The following LRRC63 variants were observed in gnomAD, a reference collection of about 807,000 sequenced individuals.
LRRC63 encodes the protein leucine-rich repeat-containing protein 63.
Under a neutral mutation model 49.5 loss-of-function variants are expected in LRRC63, and 40 were observed. The observed-to-expected ratio is 0.81, with a 90% CI of 0.63 to 1.05. The LOEUF (loss-of-function observed/expected upper bound fraction) is 1.05, where lower values mean the gene tolerates loss of function less well. LRRC63 is among the 50% of genes least tolerant of loss of function. The pLI is 0.00. For synonymous variants in LRRC63, 191 were observed against 221.1 expected (o/e 0.86, Z 1.21); for missense variants, 636 against 663.1 (o/e 0.96, Z 0.45).
intron 9 of LRRC63, among the ~76,000 whole-genome samples, chr13:46,271,626 C>CTG (rs2047759546): frequency 2.6e-5 from 4 of 151,406 alleles, no homozygotes; most frequent in African/African-American, 9.7e-5. Flanking sequence ...CTCAGTCTCA[C>CTG]ATACTCTAGT....
chr13:46,248,309 CCAAT>C (rs2047274541), intron 6 of LRRC63, among the ~76,000 whole-genome samples: 1 of 151,820 alleles, frequency 6.6e-6, no homozygotes, highest in South Asian at 2.1e-4. Flanking sequence ...ATCAAACAAT[CCAAT>C]CAAAAGATAC....
chr13:46,271,141 G>A (rs1007442401), intron 9 of LRRC63, among the ~76,000 whole-genome samples: 3 of 152,092 alleles, frequency 2.0e-5, no homozygotes, highest in Non-Finnish European at 4.4e-5. Context: ...CCAAAGAGCC[G>A]ACTGCAGGAC....
At chr13:46,260,978 G>C (rs2047605060) in intron 7 of LRRC63, among the ~76,000 whole-genome samples, 1 of 152,140 alleles carries the variant, frequency 6.6e-6, no homozygotes, top group Admixed American at 6.6e-5. Context: ...AAGTCTTTGA[G>C]AACAGCACAT....
intron 8 of LRRC63, among the ~76,000 whole-genome samples, chr13:46,262,476 CTCT>C (rs1380585614): frequency 6.6e-6 from 1 of 152,044 alleles, no homozygotes; most frequent in Non-Finnish European, 1.5e-5. Flanking sequence ...CAGTAATAGT[CTCT>C]TAACTATTCT....
chr13:46,252,499 A>C (rs1384812814), intron 7 of LRRC63, among the ~76,000 whole-genome samples: 1 of 152,094 alleles, frequency 6.6e-6, no homozygotes, highest in Non-Finnish European at 1.5e-5. Flanking sequence ...AGCATCTATT[A>C]ATACTGTGTG....
At chr13:46,229,197 G>C (rs1274540076) in intron 4 of LRRC63, among the ~76,000 whole-genome samples, 1 of 151,006 alleles carries the variant, frequency 6.6e-6, no homozygotes, top group Admixed American at 6.6e-5. Context: ...ATAAGCAGTA[G>C]AAACATATCC....
chr13:46,223,871 A>G (rs1230979010), intron 2 of LRRC63, among the ~76,000 whole-genome samples: 1 of 152,052 alleles, frequency 6.6e-6, no homozygotes, highest in Non-Finnish European at 1.5e-5. Flanking sequence ...CAAAAACAAA[A>G]CAACAACAAC....
rs551167370 is a variant in LRRC63 at position 46,245,989 on chromosome 13, T to C, written c.991-538T>C. 3.7e-4 allele frequency among the ~76,000 whole-genome samples: 56 copies of C among 152,282 alleles called. 2 individuals are homozygous for C. The South Asian group carries it at 9.7e-3, about 26-fold the overall frequency. ...AAATGGTAATCTCCAGTGTTGAAGGTGGGGCCTAGTGGGAGGTGATTGGAT... is the reference window on the plus strand; with the variant it reads ...AAATGGTAATCTCCAGTGTTGAAGGCGGGGCCTAGTGGGAGGTGATTGGAT... On this transcript the variant is annotated intron_variant, in intron 5 of 9. Coordinates refer to ENST00000595396, the Ensembl canonical transcript of LRRC63.
intron 7 of LRRC63, among the ~76,000 whole-genome samples, chr13:46,251,080 C>G (rs1271640909): frequency 6.6e-6 from 1 of 151,748 alleles, no homozygotes; most frequent in Non-Finnish European, 1.5e-5. Flanking sequence ...AACCAAATGT[C>G]AAAACAAGAT....
At chr13:46,213,839 G>T (rs1043740450) in intron 2 of LRRC63, among the ~76,000 whole-genome samples, 1 of 152,192 alleles carries the variant, frequency 6.6e-6, no homozygotes, top group Non-Finnish European at 1.5e-5. Context: ...AGGAGAAATG[G>T]TTCAGTAATG....
At chr13:46,261,500 C>G (rs189872203) in intron 7 of LRRC63, among the ~76,000 whole-genome samples, 2 of 152,314 alleles carry the variant, frequency 1.3e-5, no homozygotes, top group East Asian at 3.9e-4. Context: ...GACAGTTTCT[C>G]CCTCAGAGCC....
At chr13:46,235,150 C>T (rs2046868868) in intron 5 of LRRC63, among the ~76,000 whole-genome samples, 1 of 151,996 alleles carries the variant, frequency 6.6e-6, no homozygotes, top group Non-Finnish European at 1.5e-5. Context: ...GAAGTAAAGG[C>T]TAAGGTGGTT....
At chr13:46,252,927 A>G (rs1381751789) in intron 7 of LRRC63, among the ~76,000 whole-genome samples, 1 of 152,088 alleles carries the variant, frequency 6.6e-6, no homozygotes, top group Non-Finnish European at 1.5e-5. Flanking sequence ...TTTATGCTGT[A>G]TGCAACAAGA....
Position 46,258,736 on chromosome 13 carries a change from G to A in LRRC63, c.1227-3173G>A, listed in dbSNP as rs902635661. Among the ~76,000 whole-genome samples the A allele has an allele frequency of 2.7e-5, 4 of 147,290 alleles. No individual in the cohort carries two copies. In the Admixed American group the frequency reaches 2.7e-4, roughly 10 times the overall value. Reference sequence around the variant, plus strand: ...GGCAGGAGAATCGCTTGAACCAGGGGAGTTGCAGGTTGCAGTGAGCCAAGA... The same window carrying A: ...GGCAGGAGAATCGCTTGAACCAGGGAAGTTGCAGGTTGCAGTGAGCCAAGA... On this transcript the variant is annotated intron_variant, in intron 7 of 9. Coordinates refer to ENST00000595396, the Ensembl canonical transcript of LRRC63.
chr13:46,275,987 AT>A (rs1171811526), intron 9 of LRRC63, among the ~76,000 whole-genome samples: 3 of 151,996 alleles, frequency 2.0e-5, no homozygotes, highest in Non-Finnish European at 4.4e-5. Flanking sequence ...TTTCTTTGCT[AT>A]TTTGTTTTGT....
chr13:46,215,231 A>G (rs1159967675), intron 2 of LRRC63, among the ~76,000 whole-genome samples: 2 of 152,246 alleles, frequency 1.3e-5, no homozygotes, highest in South Asian at 2.1e-4. Context: ...TCCCACCAAC[A>G]GTGTAAAAGT....
At position 46,255,645 on chromosome 13, in the gene LRRC63, A is replaced by AAAAAAAAAAAATATATATATATAT. The variant is rs1555328641; in HGVS notation, c.1226+5155_1226+5156insAAAAAAAAAATATATATATATATA. On this transcript the variant is annotated intron_variant, in intron 7 of 9. Coordinates refer to ENST00000595396, the Ensembl canonical transcript of LRRC63. ...GGCAACAGAGTAAGACCCTGCCTCAAATATATATATATATATATATAGTTA... is the reference window on the plus strand; with the variant it reads ...GGCAACAGAGTAAGACCCTGCCTCAAAAAAAAAAAAATATATATATATATATATATATATATATATATATAGTTA... Among the ~76,000 whole-genome samples the AAAAAAAAAAAATATATATATATAT allele has an allele frequency of 8.3e-4, 107 of 129,424 alleles. 2 individuals carry two copies. The highest frequency in any genetic ancestry group is 2.6e-3 in the African/African-American group (88 of 34,326). The allele number at this position is 129,424 out of a possible 152,430, so 84.9% of individuals were successfully genotyped here. A position where few individuals can be genotyped will look rare whatever the true frequency, so the allele number is the denominator to read the frequency against.
intron 7 of LRRC63, among the ~76,000 whole-genome samples, chr13:46,253,338 T>A (rs2047432794): frequency 6.6e-6 from 1 of 152,014 alleles, no homozygotes; most frequent in Non-Finnish European, 1.5e-5. Context: ...GGGTTCAGAT[T>A]GTTAAAGGAA....
At chr13:46,268,769 G>A (rs1594099597) in intron 9 of LRRC63, among the ~76,000 whole-genome samples, 1 of 151,794 alleles carries the variant, frequency 6.6e-6, no homozygotes, top group South Asian at 2.1e-4. Context: ...TGAGAGGCAA[G>A]AAGGAATGGT....
Sources: allele counts gnomAD v4.1 joint callset (sites outside exome capture counted in the v4.1 genomes callset), GRCh38; gene constraint gnomAD v4.1.1; transcripts MANE v1.5; gene names NCBI Gene and HGNC (gene_info 2026-07-23, HGNC 2026-07-21).